The following LMO3 variants were observed in gnomAD, a reference collection of about 807,000 sequenced individuals.
LMO3 encodes the protein LIM domain only protein 3.
LMO3 carries 2 observed loss-of-function variants against 15.8 expected under a neutral mutation model. That is an observed-to-expected ratio of 0.13 (90% CI 0.05 to 0.40). The LOEUF is 0.40. Among genes scored for constraint, LMO3 ranks in the 10% least tolerant of loss-of-function variants. The pLI, the probability that LMO3 is intolerant of heterozygous loss-of-function variation, is 0.99. For synonymous variants in LMO3, 62 were observed against 63.8 expected (o/e 0.97, Z 0.13); for missense variants, 86 against 182.2 (o/e 0.47, Z 3.04).
At position 16,596,262 on chromosome 12, in the gene LMO3, T is replaced by C. The variant is rs1241031511; in HGVS notation, c.206+4393A>G. 3.3e-5 allele frequency among the ~76,000 whole-genome samples: 5 copies of C among 151,686 alleles called. No individual in the cohort carries two copies. The highest frequency in any genetic ancestry group is 2.0e-4 in the Admixed American group (3 of 15,214). ...AATCATTTTAGTTAATTAGCAACTA[T>C]GGTGAAGCATGAAGCATCACTCTTT... On this transcript the variant is annotated intron_variant, in intron 2 of 3. Transcript: ENST00000537304. This position sits in a 1 kb window ranked among gnomAD's most constrained non-coding sequence, Gnocchi z 4.3.
At chr12:16,605,450 C>T in intron 1 of LMO3, 1 of 748,672 alleles carries the variant, frequency 1.3e-6, no homozygotes, top group African/African-American at 2.0e-5. Flanking sequence ...CCCCCCCCCG[C>T]CCCCATGCCC....
rs1591777075 is a variant in LMO3 at position 16,560,814 on chromosome 12, G to A, written c.207-276C>T. The A allele has an allele frequency of 2.2e-6, 1 of 450,516 alleles. No homozygotes were observed. 27.9% of individuals were successfully genotyped at this position (450,516 alleles called of 1,614,324 possible). On this transcript the variant is annotated intron_variant, in intron 2 of 3. Coordinates refer to ENST00000537304, the MANE Select transcript of LMO3 (RefSeq NM_018640.5). The surrounding 1 kb of genome is among the most constrained non-coding windows in gnomAD (Gnocchi z 5.0). ...ACTGCACATAAACAGAAGTCAATGG[G>A]GGTGAATTCATAGCAAAAATCTCTG...
chr12:16,558,564 TG>T (rs1376300564), intron 3 of LMO3, among the ~76,000 whole-genome samples: 1 of 151,662 alleles, frequency 6.6e-6, no homozygotes, highest in Non-Finnish European at 1.5e-5. Flanking sequence ...ACCAAAAACA[TG>T]TGCATTTGCC....
chr12:16,566,247 G>GAGC (rs1367608835), intron 2 of LMO3, among the ~76,000 whole-genome samples: 1 of 151,384 alleles, frequency 6.6e-6, no homozygotes, highest in African/African-American at 2.4e-5. Context: ...CTGGGAAAGG[G>GAGC]AGCAGAGAGG....
chr12:16,562,691 G>A (rs1942446037), intron 2 of LMO3, among the ~76,000 whole-genome samples: 1 of 152,194 alleles, frequency 6.6e-6, no homozygotes, highest in African/African-American at 2.4e-5. Flanking sequence ...TGAGCTGCCT[G>A]CTATACTGTG....
In LMO3 at chr12:16,580,213, A is replaced by G. The variant is rs574618995; in HGVS notation, c.207-19675T>C. Among the ~76,000 whole-genome samples the G allele has an allele frequency of 1.4e-3, 211 of 152,228 alleles. 3 individuals are homozygous for G. Among genetic ancestry groups the G allele is most frequent in the Non-Finnish European group, 1.8e-3 (122 of 68,004 alleles). ...ACTCCTGGGCTCAAGTGGTCCTCCC[A>G]CCTCAATCTCCCTAGTAGCTTAGAC... On this transcript the variant is annotated intron_variant, in intron 2 of 3. Coordinates refer to ENST00000537304, the MANE Select transcript of LMO3 (RefSeq NM_018640.5).
chr12:16,553,639 TCAAA>T (rs1392884929), intron 3 of LMO3, among the ~76,000 whole-genome samples: 1 of 152,106 alleles, frequency 6.6e-6, no homozygotes, highest in African/African-American at 2.4e-5. Context: ...CACATATGAC[TCAAA>T]CAAAACAGCC....
At chr12:16,592,948 G>A (rs1943539980) in intron 2 of LMO3, among the ~76,000 whole-genome samples, 1 of 151,706 alleles carries the variant, frequency 6.6e-6, no homozygotes, top group Admixed American at 6.6e-5. Context: ...TTAGAAACTA[G>A]GAGTAAAGTA....
rs1942587923 is a variant in LMO3 at position 16,565,998 on chromosome 12, AT to A, written c.207-5461del. 1.3e-4 allele frequency among the ~76,000 whole-genome samples: 3 copies of A among 22,404 alleles called. 1 individual carries two copies. In the South Asian group the frequency reaches 3.7e-3, roughly 27 times the overall value. 14.7% of individuals were successfully genotyped at this position (22,404 alleles called of 152,430 possible). A position where few individuals can be genotyped will look rare whatever the true frequency, so the allele number is the denominator to read the frequency against. Reference sequence around the variant, plus strand: ...GAAAATGTGCCATATATATATATATATATATATATATATATATATATATATA... The same window carrying A: ...GAAAATGTGCCATATATATATATATAATATATATATATATATATATATATA... On this transcript the variant is annotated intron_variant, in intron 2 of 3. Coordinates refer to ENST00000537304, the MANE Select transcript of LMO3 (RefSeq NM_018640.5).
chr12:16,560,559 T>A lies in LMO3; in HGVS notation c.207-21A>T. 1 of 1,601,718 alleles carries A rather than the reference T, an allele frequency of 6.2e-7. No homozygotes were observed. The highest frequency in any genetic ancestry group is 1.1e-5 in the South Asian group (1 of 88,614). ...AGAGCCTAGAATAAGAAACATTTTT[T>A]TTTTTTTACAAACTCTTACAGAGAA... On this transcript the variant is annotated intron_variant, in intron 2 of 3. Coordinates refer to ENST00000537304, the MANE Select transcript of LMO3 (RefSeq NM_018640.5). The surrounding 1 kb of genome is among the most constrained non-coding windows in gnomAD (Gnocchi z 5.0).
In LMO3 at chr12:16,589,741, G is replaced by A. The variant is rs1565506220; in HGVS notation, c.206+10914C>T. Among the ~76,000 whole-genome samples, 4 of 152,036 alleles carry A rather than the reference G, an allele frequency of 2.6e-5. No individual in the cohort carries two copies. The highest frequency in any genetic ancestry group is 7.2e-5 in the African/African-American group (3 of 41,414). ...CTCAAATTGATCTGCCTTGGAAGAC[G>A]AGGATCACCAAGTGATTAGGAATAT... On this transcript the variant is annotated intron_variant, in intron 2 of 3. Transcript: ENST00000537304. The surrounding 1 kb of genome is among the most constrained non-coding windows in gnomAD (Gnocchi z 4.2).
At chr12:16,578,860 A>AAC (rs1565497758) in intron 2 of LMO3, among the ~76,000 whole-genome samples, 44 of 147,944 alleles carry the variant, frequency 3.0e-4, no homozygotes, top group Non-Finnish European at 5.2e-4. Context: ...ACAACAACAA[A>AAC]ACATTAATTC....
At chr12:16,567,817 A>C (rs150184690) in intron 2 of LMO3, among the ~76,000 whole-genome samples, 1 of 152,094 alleles carries the variant, frequency 6.6e-6, no homozygotes. Context: ...AAAACTCCAC[A>C]CTTCCTTCAA....
rs981322660 is a variant in LMO3 at position 16,555,121 on chromosome 12, C to T, written c.333-3794G>A. On this transcript the variant is annotated intron_variant, in intron 3 of 3. Coordinates refer to ENST00000537304, the MANE Select transcript of LMO3 (RefSeq NM_018640.5). The surrounding 1 kb of genome is among the most constrained non-coding windows in gnomAD (Gnocchi z 5.5). ...AACGAATGAGTACATGTAAAACACT[C>T]AGAACGGTGTTTGGTGTTTGACTAA... is the stretch of plus-strand genomic sequence containing the variant. Among the ~76,000 whole-genome samples the T allele has an allele frequency of 6.6e-6, 1 of 152,226 alleles. No individual in the cohort carries two copies. The highest frequency in any genetic ancestry group is 2.4e-5 in the African/African-American group (1 of 41,454).
At chr12:16,556,606 T>C (rs930137894) in intron 3 of LMO3, among the ~76,000 whole-genome samples, 7 of 152,228 alleles carry the variant, frequency 4.6e-5, no homozygotes, top group Non-Finnish European at 5.9e-5. Context: ...AAAATGCCTA[T>C]GAATTACCTA....
chr12:16,551,144 C>T lies in LMO3; in HGVS notation c.*78G>A, dbSNP rs1941974972. On this transcript the variant is annotated 3_prime_UTR_variant, in exon 4 of 4. Coordinates refer to ENST00000537304, the MANE Select transcript of LMO3 (RefSeq NM_018640.5). ...TACGCTATTCAGTAGGTTCCTGTGTCAATTCTTATGTACATGTGGAGCAAA... is the reference window on the plus strand; with the variant it reads ...TACGCTATTCAGTAGGTTCCTGTGTTAATTCTTATGTACATGTGGAGCAAA... The T allele has an allele frequency of 1.1e-6, 1 of 937,760 alleles. No individual in the cohort carries two copies. Among genetic ancestry groups the T allele is most frequent in the Non-Finnish European group, 1.8e-6 (1 of 570,476 alleles). 58.1% of individuals were successfully genotyped at this position (937,760 alleles called of 1,614,324 possible). A position where few individuals can be genotyped will look rare whatever the true frequency, so the allele number is the denominator to read the frequency against.
chr12:16,568,331 C>T (rs577575882), intron 2 of LMO3, among the ~76,000 whole-genome samples: 7 of 152,310 alleles, frequency 4.6e-5, no homozygotes, highest in South Asian at 2.1e-4. Context: ...ACTTGAGATA[C>T]TCAGAGAAAC....
At chr12:16,579,710 A>C (rs1177086866) in intron 2 of LMO3, among the ~76,000 whole-genome samples, 1 of 152,232 alleles carries the variant, frequency 6.6e-6, no homozygotes, top group African/African-American at 2.4e-5. Flanking sequence ...GTAAGAATTC[A>C]GAAAATTTTT....
chr12:16,601,254 G>C (rs1943813112), intron 1 of LMO3, among the ~76,000 whole-genome samples: 1 of 152,120 alleles, frequency 6.6e-6, no homozygotes, highest in African/African-American at 2.4e-5. Context: ...ATTAATCTAT[G>C]CACAGTCCCT....
Sources: allele counts gnomAD v4.1 joint callset (sites outside exome capture counted in the v4.1 genomes callset), GRCh38; gene constraint gnomAD v4.1.1; non-coding constraint Gnocchi (gnomAD v3.1); transcripts MANE v1.5; gene names NCBI Gene and HGNC (gene_info 2026-07-23, HGNC 2026-07-21).